PDIA6: variants seen among roughly 807,000 people sequenced by gnomAD.
PDIA6 encodes the protein protein disulfide-isomerase A6.
PDIA6 carries 29 observed loss-of-function variants against 58.4 expected under a neutral mutation model. That is an observed-to-expected ratio of 0.50 (90% CI 0.37 to 0.68). The LOEUF (loss-of-function observed/expected upper bound fraction) is 0.68. Ranked by LOEUF, PDIA6 falls within the 30% of genes least tolerant of loss-of-function variation. PDIA6 has a pLI of 0.00. For synonymous variants in PDIA6, 192 were observed against 202.6 expected (o/e 0.95, Z 0.44); for missense variants, 480 against 551.0 (o/e 0.87, Z 1.29).
At chr2:10,795,033 T>G (rs1211391346) in intron 4 of PDIA6, among the ~76,000 whole-genome samples, 3 of 152,192 alleles carry the variant, frequency 2.0e-5, no homozygotes, top group African/African-American at 7.2e-5. Flanking sequence ...AGTATGTCAC[T>G]TGATAACACA....
intron 1 of PDIA6, among the ~76,000 whole-genome samples, chr2:10,826,659 C>T (rs1350888089): frequency 1.3e-5 from 2 of 152,124 alleles, no homozygotes; most frequent in Non-Finnish European, 1.5e-5. Context: ...TGTGCCAGGT[C>T]GAATTATACG....
chr2:10,789,067 G>A (rs984726453), intron 8 of PDIA6, 86 bp from the exon 9 acceptor site: 63 of 905,396 alleles, frequency 7.0e-5, no homozygotes, highest in Admixed American at 3.5e-4. Context: ...CCTTCGCACC[G>A]TCACTTTCAT....
At chr2:10,804,372 T>C (rs1298993619) in intron 1 of PDIA6, among the ~76,000 whole-genome samples, 2 of 121,854 alleles carry the variant, frequency 1.6e-5, no homozygotes, top group African/African-American at 5.2e-5. Context: ...AGGGATCCAG[T>C]TTCAGCTTTC....
At chr2:10,837,625 A>G (rs952582565) in exon 1 of PDIA6, 18 of 1,215,350 alleles carry the variant, frequency 1.5e-5, no homozygotes, top group Admixed American at 2.0e-5. Flanking sequence ...AGAAAAGCCC[A>G]GGCACAGAAT....
intron 7 of PDIA6, 91 bp from the exon 8 acceptor site, chr2:10,789,980 A>ATTTTTT: frequency 1.2e-6 from 1 of 826,792 alleles, no homozygotes; most frequent in Non-Finnish European, 1.8e-6. Flanking sequence ...CTTATAGGTA[A>ATTTTTT]TTTTTTTTTT....
At chr2:10,824,709 C>T (rs559049880) in intron 1 of PDIA6, among the ~76,000 whole-genome samples, 81 of 152,294 alleles carry the variant, frequency 5.3e-4, no homozygotes, top group South Asian at 2.1e-4. Flanking sequence ...GAAACAGTCA[C>T]GGAGAAATGG....
intron 11 of PDIA6, among the ~76,000 whole-genome samples, chr2:10,787,077 C>T (rs146247014): frequency 2.0e-5 from 3 of 152,244 alleles, no homozygotes; most frequent in East Asian, 1.9e-4. Context: ...CTCCTCATCC[C>T]GCAAGCAGAG....
intron 1 of PDIA6, among the ~76,000 whole-genome samples, chr2:10,808,446 AC>A (rs35691266): frequency 0.49 from 74,185 of 152,034 alleles, 19,647 homozygotes; most frequent in South Asian, 0.58. Context: ...CATTATAGAG[AC>A]CAGAGGCAGG....
Position 10,789,894 on chromosome 2 carries a change from TAAAA to T in PDIA6, c.700-9_700-6del. 1 of 1,606,316 alleles carries T rather than the reference TAAAA, an allele frequency of 6.2e-7. No homozygotes were observed. The highest frequency in any genetic ancestry group is 8.5e-7 in the Non-Finnish European group (1 of 1,175,366). On this transcript the variant is annotated splice_polypyrimidine_tract_variant and splice_region_variant and intron_variant, in intron 7 of 12. Coordinates refer to ENST00000272227, the MANE Select transcript of PDIA6 (RefSeq NM_005742.4). ...GATTGTAGGAAATCCTCTAATCTATTAAAAAAAGGTCAGAGGATAAAATCCAATT... is the reference window on the plus strand; with the variant it reads ...GATTGTAGGAAATCCTCTAATCTATTAAAGGTCAGAGGATAAAATCCAATT...
intron 1 of PDIA6, among the ~76,000 whole-genome samples, chr2:10,807,948 T>C (rs1666830599): frequency 6.6e-6 from 1 of 152,220 alleles, no homozygotes; most frequent in Non-Finnish European, 1.5e-5. Context: ...CAGCTCTCCA[T>C]TTCCAAGCTT....
At chr2:10,799,740 A>G (rs1490504029) in intron 2 of PDIA6, among the ~76,000 whole-genome samples, 4 of 152,186 alleles carry the variant, frequency 2.6e-5, no homozygotes, top group Admixed American at 2.6e-4. Flanking sequence ...AGGAGGACTA[A>G]ATTCAGAGAC....
At chr2:10,798,102 C>T (rs1734349) in intron 2 of PDIA6, among the ~76,000 whole-genome samples, 74,194 of 151,932 alleles carry the variant, frequency 0.49, 19,653 homozygotes, top group South Asian at 0.58. Flanking sequence ...ACAAGAATCA[C>T]GTGAACCCAG....
chr2:10,810,188 A>G lies in PDIA6; in HGVS notation c.19+2490T>C, dbSNP rs1014836025. 3 of 876,638 alleles carry G rather than the reference A, an allele frequency of 3.4e-6. No homozygotes were observed. In the African/African-American group the frequency reaches 5.0e-5, roughly 15 times the overall value. The allele number at this position is 876,638 out of a possible 1,614,324, so 54.3% of individuals were successfully genotyped here. On this transcript the variant is annotated intron_variant, in intron 1 of 12. Coordinates refer to ENST00000272227, the MANE Select transcript of PDIA6 (RefSeq NM_005742.4). ...TTAAGAACCCTATGTGGTATGTGTC[A>G]TGGTGCCCATTATTTCACAGACCAG...
intron 1 of PDIA6, 36 bp from the exon 2 acceptor site, chr2:10,802,676 C>T: frequency 2.2e-6 from 3 of 1,366,970 alleles, no homozygotes; most frequent in Non-Finnish European, 2.8e-6. Flanking sequence ...ATTAACAGCA[C>T]TGTTCATGCT....
rs770201797 is a variant in PDIA6 at position 10,788,889 on chromosome 2, T to A, written c.925+8A>T. 1.9e-6 allele frequency: 3 copies of A among 1,609,370 alleles called. No homozygotes were observed. The Admixed American group carries it at 5.0e-5, about 27-fold the overall frequency. ...ACAGCTAAGGGAAATCATTTCCGTC[T>A]GTCTTACCAGTATCAAGGATATGGG... On this transcript the variant is annotated splice_region_variant and intron_variant, in intron 9 of 12. Transcript: ENST00000272227.
rs1572655460 is a variant in PDIA6 at position 10,790,738 on chromosome 2, A to G, written c.680T>C (p.Val227Ala). 6.2e-7 allele frequency: 1 copy of G among 1,613,376 alleles called. No homozygotes were observed. The highest frequency in any genetic ancestry group is 1.3e-5 in the African/African-American group (1 of 75,040). Residue 227 changes from valine (V) to alanine (A), a missense_variant, in exon 7 of 13, where the codon GTT (valine) becomes GCT (alanine). Val to Ala is a moderately conservative substitution (Grantham distance 64, BLOSUM62 0). Coordinates refer to ENST00000272227, the MANE Select transcript of PDIA6 (RefSeq NM_005742.4). ...ACTCACCCCGTATCGGGAGGCCAGA[A>G]CCTGATTGACTGTAGCATCCACAGC... is the stretch of plus-strand genomic sequence containing the variant. ...LAAVDATVNQ[V>A]LASRYGIRGF...
At chr2:10,790,920 G>C (rs1734419) in intron 6 of PDIA6, 87 bp from the exon 7 acceptor site, 3 of 890,672 alleles carry the variant, frequency 3.4e-6, no homozygotes, top group African/African-American at 1.6e-5. Context: ...TGCAATCATG[G>C]CTCCCTGCAG....
At chr2:10,833,703 C>T (rs1434223203), upstream of PDIA6, among the ~76,000 whole-genome samples, 1 of 152,196 alleles carries the variant, frequency 6.6e-6, no homozygotes, top group Non-Finnish European at 1.5e-5. Context: ...GGAGGCAGGG[C>T]CTGGATTCCA....
At chr2:10,791,384 G>A (rs1012910378) in intron 6 of PDIA6, among the ~76,000 whole-genome samples, 1 of 152,182 alleles carries the variant, frequency 6.6e-6, no homozygotes, top group South Asian at 2.1e-4. Context: ...GACCTCAAGT[G>A]ATCCGCCTGC....
Sources: gnomAD v4.1 joint callset for allele counts (sites outside exome capture counted in the v4.1 genomes callset) on GRCh38, gnomAD v4.1.1 for gene constraint, MANE v1.5 for transcripts, NCBI Gene and HGNC (gene_info 2026-07-23, HGNC 2026-07-21) for gene names.